TGFBR3: variants seen among roughly 807,000 people sequenced by gnomAD.
TGFBR3 encodes the protein transforming growth factor beta receptor type 3.
In TGFBR3, 46 loss-of-function variants were observed where a neutral mutation model predicts 87.9. That is an observed-to-expected ratio of 0.52 (90% confidence interval 0.41 to 0.67). TGFBR3 has a LOEUF of 0.67. Ranked by LOEUF, TGFBR3 falls within the 30% of genes least tolerant of loss-of-function variation. The pLI is 0.00. For missense variants in TGFBR3, 866 were observed against 1,041.9 expected (o/e 0.83, Z 2.32); for synonymous variants, 381 against 391.6 (o/e 0.97, Z 0.32).
In TGFBR3 at chr1:91,683,554, A is replaced by G. The variant is rs1240760818; in HGVS notation, c.*185T>C. On this transcript the variant is annotated 3_prime_UTR_variant, in exon 17 of 17. Coordinates refer to ENST00000212355, the MANE Select transcript of TGFBR3 (RefSeq NM_003243.5). ...TACAGAAGCCCAGGGTCATGTTTAT[A>G]CTAGCCCTGGGTGTGGGGTGAATAC... 1.4e-6 allele frequency: 1 copy of G among 701,664 alleles called. No homozygotes were observed. Among genetic ancestry groups the G allele is most frequent in the Admixed American group, 2.0e-5 (1 of 49,898 alleles). The allele number at this position is 701,664 out of a possible 1,614,324, so 43.5% of individuals were successfully genotyped here.
intron 4 of TGFBR3, 127 bp downstream of exon 4, chr1:91,758,486 A>T: frequency 8.4e-7 from 1 of 1,193,242 alleles, no homozygotes; most frequent in South Asian, 1.3e-5. Flanking sequence ...GCATCCTCCA[A>T]ATTTAACACT....
chr1:91,878,429 C>T (rs1678942897), intron 1 of TGFBR3, among the ~76,000 whole-genome samples: 1 of 152,144 alleles, frequency 6.6e-6, no homozygotes, highest in African/African-American at 2.4e-5. Flanking sequence ...AAAATGCTAA[C>T]AAAACGAATA....
chr1:91,789,836 C>T (rs762325304), intron 3 of TGFBR3, among the ~76,000 whole-genome samples: 1 of 152,184 alleles, frequency 6.6e-6, no homozygotes, highest in Non-Finnish European at 1.5e-5. Context: ...CCTAACCCTG[C>T]TCCCCTTTCC....
chr1:91,801,905 A>G (rs1435514410), intron 2 of TGFBR3, among the ~76,000 whole-genome samples: 1 of 152,246 alleles, frequency 6.6e-6, no homozygotes, highest in Admixed American at 6.5e-5. Context: ...TTTTATCCTG[A>G]AAAACATAAC....
At chr1:91,815,725 T>C (rs1386420873) in intron 2 of TGFBR3, among the ~76,000 whole-genome samples, 1 of 152,198 alleles carries the variant, frequency 6.6e-6, no homozygotes, top group Non-Finnish European at 1.5e-5. Flanking sequence ...AGCAAAGAAT[T>C]CTATAAACTC....
At position 91,683,261 on chromosome 1, in the gene TGFBR3, G is replaced by A. The variant is rs1181250327; in HGVS notation, c.*478C>T. 8.8e-6 allele frequency: 4 copies of A among 455,182 alleles called. No individual in the cohort carries two copies. The highest frequency in any genetic ancestry group is 6.0e-5 in the African/African-American group (3 of 50,034). 28.2% of individuals were successfully genotyped at this position (455,182 alleles called of 1,614,324 possible). A position where few individuals can be genotyped will look rare whatever the true frequency, so the allele number is the denominator to read the frequency against. ...ATTAGACAGGAGGATCGCTTAGAAA[G>A]CCTCAAAGCATTTCTTGTTTTACAT... On this transcript the variant is annotated 3_prime_UTR_variant, in exon 17 of 17. Transcript: ENST00000212355.
Position 91,812,644 on chromosome 1 carries a change from G to A in TGFBR3, c.62-15173C>T, listed in dbSNP as rs895688294. 1.2e-4 allele frequency among the ~76,000 whole-genome samples: 19 copies of A among 152,162 alleles called. 1 individual carries two copies. In the East Asian group the frequency reaches 2.9e-3, roughly 23 times the overall value. On this transcript the variant is annotated intron_variant, in intron 2 of 16. Transcript: ENST00000212355. ...GGTTTCGTTTTTGAGGTGGAGTCTC[G>A]CTCAGTCGCCCAGGCTGGAGTGCAA...
At chr1:91,691,324 A>G (rs544772413) in intron 16 of TGFBR3, among the ~76,000 whole-genome samples, 2 of 152,314 alleles carry the variant, frequency 1.3e-5, no homozygotes, top group South Asian at 4.1e-4. Context: ...AGCATAATGT[A>G]TAAACATACA....
chr1:91,859,890 C>T (rs1230555314), intron 2 of TGFBR3, among the ~76,000 whole-genome samples: 1 of 135,326 alleles, frequency 7.4e-6, no homozygotes, highest in Non-Finnish European at 1.5e-5. Context: ...GCCTGGGCAA[C>T]AGAGGGAGAC....
intron 5 of TGFBR3, among the ~76,000 whole-genome samples, chr1:91,730,695 G>A (rs915053176): frequency 5.9e-5 from 9 of 152,052 alleles, no homozygotes; most frequent in East Asian, 1.9e-4. Flanking sequence ...TTAATCCTCC[G>A]ACACCCCATG....
intron 3 of TGFBR3, among the ~76,000 whole-genome samples, chr1:91,787,835 C>T (rs1675025924): frequency 6.6e-6 from 1 of 151,636 alleles, no homozygotes; most frequent in African/African-American, 2.4e-5. Context: ...GCCTATAGTC[C>T]CAGCTACTCA....
chr1:91,861,959 G>A lies in TGFBR3; in HGVS notation c.-113-315C>T, dbSNP rs770474425. The A allele has an allele frequency of 4.4e-4, 105 of 239,350 alleles. 3 individuals carry two copies. Among genetic ancestry groups the A allele is most frequent in the South Asian group, 3.8e-3 (73 of 19,384 alleles). 14.8% of individuals were successfully genotyped at this position (239,350 alleles called of 1,614,324 possible). ...CAACCTCCGCCTCCTGGGTTCAAGC[G>A]ATTCTCCTGCCTCAGCCTCCCAAGT... On this transcript the variant is annotated intron_variant, in intron 1 of 16. Coordinates refer to ENST00000212355, the MANE Select transcript of TGFBR3 (RefSeq NM_003243.5).
chr1:91,712,981 C>T (rs7530435), intron 12 of TGFBR3, among the ~76,000 whole-genome samples: 57,119 of 152,064 alleles, frequency 0.38, 11,169 homozygotes, highest in Non-Finnish European at 0.44. Context: ...TAGAGTTCAG[C>T]GGCAAAATCT....
At chr1:91,758,881 T>C (rs1673847716) in intron 3 of TGFBR3, 131 bp from the exon 4 acceptor site, 2 of 1,130,996 alleles carry the variant, frequency 1.8e-6, no homozygotes, top group Non-Finnish European at 2.6e-6. Flanking sequence ...GCTCAGATTC[T>C]ATGAATAAGA....
At chr1:91,826,744 T>TAAAA (rs5776121) in intron 2 of TGFBR3, among the ~76,000 whole-genome samples, 235 of 139,380 alleles carry the variant, frequency 1.7e-3, no homozygotes, top group African/African-American at 5.7e-3. Flanking sequence ...CATCCACTAT[T>TAAAA]AAAAAAAAAA....
intron 5 of TGFBR3, among the ~76,000 whole-genome samples, chr1:91,731,030 A>C (rs1302066805): frequency 1.3e-5 from 2 of 152,224 alleles, no homozygotes; most frequent in Non-Finnish European, 2.9e-5. Context: ...ATTTCAACAG[A>C]ACTTGAAAGA....
chr1:91,888,537 A>G (rs957639073), upstream of TGFBR3, among the ~76,000 whole-genome samples: 10 of 152,140 alleles, frequency 6.6e-5, no homozygotes, highest in African/African-American at 2.4e-4. Flanking sequence ...ACCCCATCTC[A>G]ACTAAAATAC....
At position 91,681,006 on chromosome 1, in the gene TGFBR3, G is replaced by A. The variant is rs1453205428; in HGVS notation, c.*2733C>T. 2 of 454,044 alleles carry A rather than the reference G, an allele frequency of 4.4e-6. No homozygotes were observed. The highest frequency in any genetic ancestry group is 8.8e-6 in the Non-Finnish European group (2 of 226,790). The allele number at this position is 454,044 out of a possible 1,614,324, so 28.1% of individuals were successfully genotyped here. A position where few individuals can be genotyped will look rare whatever the true frequency, so the allele number is the denominator to read the frequency against. On this transcript the variant is annotated 3_prime_UTR_variant, in exon 17 of 17. Transcript: ENST00000212355. ...TACAGACAATCTGCCTTGGAGTTTG[G>A]GGCATTTTAACAACAGCTTCAGCAT...
At chr1:91,693,055 A>T (rs576037295) in intron 16 of TGFBR3, among the ~76,000 whole-genome samples, 1 of 152,294 alleles carries the variant, frequency 6.6e-6, no homozygotes, top group African/African-American at 2.4e-5. Context: ...CCACTGCATT[A>T]TAATCTTCCT....
Sources: gnomAD v4.1 joint callset for allele counts (sites outside exome capture counted in the v4.1 genomes callset) on GRCh38, gnomAD v4.1.1 for gene constraint, MANE v1.5 for transcripts, NCBI Gene and HGNC (gene_info 2026-07-23, HGNC 2026-07-21) for gene names.